PTOV1: variants seen among roughly 807,000 people sequenced by gnomAD.
PTOV1 encodes the protein prostate tumor-overexpressed gene 1 protein.
A neutral mutation model predicts 58.0 loss-of-function variants in PTOV1; 20 were observed. The ratio of observed to expected loss-of-function variants is 0.34; its 90% CI spans 0.24 to 0.50. The LOEUF (loss-of-function observed/expected upper bound fraction) is 0.50, where lower values mean the gene tolerates loss of function less well. Among genes scored for constraint, PTOV1 ranks in the 20% least tolerant of loss-of-function variants. The pLI is 0.98. For missense variants in PTOV1, 593 were observed against 565.4 expected, an observed-to-expected ratio of 1.05 and a Z score of -0.50; for synonymous variants, 335 against 234.2, an observed-to-expected ratio of 1.43 and a Z score of -3.93.
chr19:49,857,451 G>C, intron 6 of PTOV1: 1 of 609,794 alleles, frequency 1.6e-6, no homozygotes, highest in Non-Finnish European at 2.9e-6. Context: ...TGCCTTGCCA[G>C]TTGAGGCAGA....
At chr19:49,850,928 C>CG, upstream of PTOV1, 1 of 1,535,896 alleles carries the variant, frequency 6.5e-7, no homozygotes, top group Non-Finnish European at 8.7e-7. Context: ...AGCTTGGTGT[C>CG]GCCTTCGTTC....
At chr19:49,857,755 A>G (rs1007251076) in exon 7 of PTOV1, 13 of 1,614,130 alleles carry the variant, frequency 8.1e-6, no homozygotes, top group Non-Finnish European at 1.1e-5. Flanking sequence ...AGTTTCTGGC[A>G]TGGAGTGGTG....
chr19:49,856,864 T>G, intron 5 of PTOV1, 111 bp from the exon 6 acceptor site: 2 of 1,339,462 alleles, frequency 1.5e-6, no homozygotes, highest in East Asian at 2.4e-5. Context: ...TGTGGGGGCC[T>G]CTGTCCACCG....
At chr19:49,851,202 G>A in exon 1 of PTOV1, 1 of 1,207,064 alleles carries the variant, frequency 8.3e-7, no homozygotes, top group Non-Finnish European at 1.0e-6. Context: ...CGCGTCCCCC[G>A]AGCTTGGTAC....
At position 49,857,641 on chromosome 19, in the gene PTOV1, C is replaced by CAG. The variant is rs1349818577; in HGVS notation, c.715-51_715-50dup. 5 of 1,538,714 alleles carry CAG rather than the reference C, an allele frequency of 3.2e-6. No homozygotes were observed. The South Asian group carries it at 5.7e-5, about 18-fold the overall frequency. On this transcript the variant is annotated intron_variant, in intron 6 of 11. Coordinates refer to ENST00000391842, the Ensembl canonical transcript of PTOV1. ...GATGGCAGGCCCCAGGACAGACAGA[C>CAG]AGGTTTCCCAGGAGCCTGGGCCCCT...
chr19:49,851,175 C>T (rs142535734), exon 1 of PTOV1: 9 of 1,232,568 alleles, frequency 7.3e-6, no homozygotes, highest in Admixed American at 4.4e-5. Flanking sequence ...TCGGCCGCGG[C>T]GACCCCACTC....
exon 1 of PTOV1, chr19:49,851,281 C>G (rs1291286648): frequency 9.3e-7 from 1 of 1,076,056 alleles, no homozygotes; most frequent in Non-Finnish European, 1.1e-6. Context: ...GCCCGCAGCC[C>G]CCCTTGTGGC....
chr19:49,851,553 C>G lies in PTOV1; in HGVS notation c.171+54C>G, dbSNP rs1600351138. The stretch of plus-strand genomic sequence containing the variant: ...TTCCACGGCCCCGCCCCCCCAGCCC[C>G]TATCCCGGGCTCACGCCTTTGTCCG... On this transcript the variant is annotated intron_variant, in intron 1 of 11. Transcript: ENST00000391842. 4 of 1,086,208 alleles carry G rather than the reference C, an allele frequency of 3.7e-6. No individual in the cohort carries two copies. The South Asian group carries it at 1.8e-4, about 50-fold the overall frequency. The allele number at this position is 1,086,208 out of a possible 1,614,324, so 67.3% of individuals were successfully genotyped here.
chr19:49,858,355 C>A, intron 9 of PTOV1, 194 bp from the exon 10 acceptor site: 1 of 681,172 alleles, frequency 1.5e-6, no homozygotes, highest in Non-Finnish European at 2.5e-6. Context: ...ACCTGGGGGG[C>A]TGCCAAGGGA....
upstream of PTOV1, chr19:49,851,128 T>C: frequency 7.5e-7 from 1 of 1,333,356 alleles, no homozygotes. Context: ...TCGGACGCGC[T>C]TGGTACGCGC....
At chr19:49,858,193 C>G (rs2074567559) in intron 9 of PTOV1, 79 bp downstream of exon 9, 2 of 1,520,634 alleles carry the variant, frequency 1.3e-6, no homozygotes, top group African/African-American at 1.4e-5. Flanking sequence ...AGAGCGCCTC[C>G]CCAGGTGGCC....
intron 1 of PTOV1, chr19:49,851,773 G>A (rs913076944): frequency 5.2e-5 from 56 of 1,076,004 alleles, no homozygotes; most frequent in Non-Finnish European, 5.9e-5. Flanking sequence ...ATTTAAACGC[G>A]GGCTGGGGGC....
At chr19:49,858,451 T>G in intron 9 of PTOV1, 98 bp from the exon 10 acceptor site, 1 of 921,018 alleles carries the variant, frequency 1.1e-6, no homozygotes, top group Non-Finnish European at 1.7e-6. Context: ...GACAGGGGAG[T>G]CTCAGTTTGG....
intron 1 of PTOV1, 139 bp from the exon 2 acceptor site, chr19:49,854,267 G>T: frequency 8.8e-7 from 1 of 1,142,678 alleles, no homozygotes. Flanking sequence ...GTGAGCAGAG[G>T]GTTTGGACAT....
chr19:49,859,528 T>C (rs1411055111), intron 10 of PTOV1, among the ~76,000 whole-genome samples: 1 of 151,094 alleles, frequency 6.6e-6, no homozygotes, highest in African/African-American at 2.4e-5. Context: ...GCTGAGATCA[T>C]GCCATTGTAC....
At chr19:49,851,032 G>A (rs534728855), upstream of PTOV1, 321 of 1,526,898 alleles carry the variant, frequency 2.1e-4, no homozygotes, top group African/African-American at 3.9e-3. Flanking sequence ...GCGCCGGAGA[G>A]GCCCGCAGGA....
chr19:49,859,817 G>C, intron 10 of PTOV1, 169 bp from the exon 11 acceptor site: 1 of 688,238 alleles, frequency 1.5e-6, no homozygotes, highest in Non-Finnish European at 2.5e-6. Flanking sequence ...ATTGCTCTTG[G>C]CCACCGTGTC....
chr19:49,854,775 A>G (rs1466142318), intron 3 of PTOV1, 41 bp downstream of exon 3: 2 of 1,613,128 alleles, frequency 1.2e-6, no homozygotes, highest in East Asian at 2.2e-5. Flanking sequence ...TGGCAGGGGC[A>G]GTGGCTGTGG....
At chr19:49,851,714 G>GGGGGAC (rs1348755283) in intron 1 of PTOV1, 22 of 1,144,208 alleles carry the variant, frequency 1.9e-5, no homozygotes, top group African/African-American at 3.3e-5. Context: ...GTGGGGGGTT[G>GGGGGAC]GGGGACGGGG....
Sources: allele counts gnomAD v4.1 joint callset (sites outside exome capture counted in the v4.1 genomes callset), GRCh38; gene constraint gnomAD v4.1.1; transcripts MANE v1.5; gene names NCBI Gene and HGNC (gene_info 2026-07-23, HGNC 2026-07-21).